Variants in MRRF observed in about 807,000 individuals in gnomAD.
The protein encoded by MRRF is ribosome-recycling factor, mitochondrial.
MRRF carries 18 observed loss-of-function variants against 25.1 expected under a neutral mutation model. That is an observed-to-expected ratio of 0.72 (90% CI 0.50 to 1.06). The LOEUF is 1.06. MRRF is among the 50% of genes least tolerant of loss of function. MRRF has a pLI of 0.00. For missense variants in MRRF, 323 were observed against 319.3 expected (o/e 1.01, Z -0.09); for synonymous variants, 113 against 112.1 (o/e 1.01, Z -0.05).
intron 2 of MRRF, among the ~76,000 whole-genome samples, chr9:122,275,739 G>C (rs1832732977): frequency 6.6e-6 from 1 of 152,026 alleles, no homozygotes; most frequent in African/African-American, 2.4e-5. Flanking sequence ...ATGTCCTCCG[G>C]GTTCATCCAT....
chr9:122,319,949 A>G (rs1052876793), intron 6 of MRRF, among the ~76,000 whole-genome samples: 43 of 143,268 alleles, frequency 3.0e-4, no homozygotes, highest in African/African-American at 1.1e-3. Flanking sequence ...ATGTCGGCTC[A>G]CTGCATCCTC....
rs1041940527 is a variant in MRRF at position 122,286,218 on chromosome 9, G to T, written c.459+931G>T. On this transcript the variant is annotated intron_variant, in intron 4 of 6. Transcript: ENST00000344641. The stretch of plus-strand genomic sequence containing the variant: ...TCTATTTCAGTAGTTGTATTCCAAA[G>T]TCATAGACCAAGGTTGGACCTGTTG... 9.3e-6 allele frequency: 12 copies of T among 1,285,546 alleles called. No individual in the cohort carries two copies. In the Admixed American group the frequency reaches 2.1e-4, roughly 22 times the overall value. 79.6% of individuals were successfully genotyped at this position (1,285,546 alleles called of 1,614,324 possible). A position where few individuals can be genotyped will look rare whatever the true frequency, so the allele number is the denominator to read the frequency against.
Position 122,280,461 on chromosome 9 carries a change from C to G in MRRF, c.203C>G (p.Ser68Cys). Residue 68 changes from serine (S) to cysteine (C), a missense_variant, in exon 3 of 7, where the codon TCC becomes TGC. Ser to Cys is a moderately radical substitution (Grantham distance 112, BLOSUM62 -1). Coordinates refer to ENST00000344641, the MANE Select transcript of MRRF (RefSeq NM_138777.5). ...KKAKAKGKGQ[S>C]QTRVNINAAL... is the part of the protein sequence containing the mutation. ...TTTTTAGCCAAAGGGAAAGGACAGT[C>G]CCAAACCAGAGTGAATATTAATGCT... The G allele has an allele frequency of 6.2e-7, 1 of 1,614,094 alleles. No individual in the cohort carries two copies. The highest frequency in any genetic ancestry group is 8.5e-7 in the Non-Finnish European group (1 of 1,179,980).
At chr9:122,271,646 C>G (rs1228156767) in intron 2 of MRRF, among the ~76,000 whole-genome samples, 2 of 152,230 alleles carry the variant, frequency 1.3e-5, no homozygotes, top group African/African-American at 2.4e-5. Context: ...GCCTTTGATG[C>G]ACTTAGAACA....
At chr9:122,285,735 T>C (rs897979620) in intron 4 of MRRF, 1 of 1,242,342 alleles carries the variant, frequency 8.0e-7, no homozygotes, top group Non-Finnish European at 1.0e-6. Context: ...ATGTGACATC[T>C]TTATTCTGTA....
chr9:122,298,865 G>A (rs1025910832), intron 5 of MRRF, among the ~76,000 whole-genome samples: 1 of 152,182 alleles, frequency 6.6e-6, no homozygotes, highest in African/African-American at 2.4e-5. Context: ...AAAGCATGCT[G>A]TGAAGGTGGG....
intron 1 of MRRF, among the ~76,000 whole-genome samples, chr9:122,268,838 T>A (rs1186007034): frequency 2.6e-5 from 4 of 152,204 alleles, no homozygotes; most frequent in Non-Finnish European, 4.4e-5. Context: ...GAGAAATGAT[T>A]TGCCTTTGTG....
chr9:122,271,896 TG>T (rs1832485791), intron 2 of MRRF, among the ~76,000 whole-genome samples: 1 of 152,222 alleles, frequency 6.6e-6, no homozygotes, highest in Non-Finnish European at 1.5e-5. Flanking sequence ...TATATGCTGC[TG>T]AATATTTTCC....
intron 3 of MRRF, among the ~76,000 whole-genome samples, chr9:122,283,999 G>GTTGT (rs916868087): frequency 6.8e-6 from 1 of 147,566 alleles, no homozygotes; most frequent in African/African-American, 2.6e-5. Flanking sequence ...TGTTGTTGTT[G>GTTGT]TTGTTTGTTT....
rs1410686822 is a variant in MRRF, at chr9:122,327,035, G to A, written c.*4418G>A. 1 of 152,248 alleles carries A rather than the reference G, an allele frequency of 6.6e-6. No homozygotes were observed. The highest frequency in any genetic ancestry group is 1.5e-5 in the Non-Finnish European group (1 of 68,048). 9.4% of individuals were successfully genotyped at this position (152,248 alleles called of 1,614,324 possible). On this transcript the variant is annotated 3_prime_UTR_variant, in exon 7 of 7. Coordinates refer to ENST00000344641, the MANE Select transcript of MRRF (RefSeq NM_138777.5). The stretch of plus-strand genomic sequence containing the variant: ...CGCTGTTCTGGACCTGGACGGTGAT[G>A]TGAGAGAAGCAGAAGTCTTGCTTTC...
chr9:122,282,732 T>C (rs1254461288), intron 3 of MRRF, among the ~76,000 whole-genome samples: 6 of 152,250 alleles, frequency 3.9e-5, no homozygotes, highest in African/African-American at 1.4e-4. Context: ...TCAGTAAATA[T>C]AGGCAATTAT....
rs756835647 is a variant in MRRF, at chr9:122,285,237, T to G, written c.409T>G (p.Ser137Ala). ...KLALNQISQI[S>A]MKSPQLILVN... is the part of the protein sequence containing the mutation. Reference sequence around the variant, plus strand: ...TGCTTTAAACCAGATTAGCCAGATCTCCATGAAGTCGCCACAGCTGATTTT... The same window carrying G: ...TGCTTTAAACCAGATTAGCCAGATCGCCATGAAGTCGCCACAGCTGATTTT... Residue 137 changes from serine (S) to alanine (A), a missense_variant, in exon 4 of 7, where the codon TCC (serine) becomes GCC (alanine). Coordinates refer to ENST00000344641, the MANE Select transcript of MRRF (RefSeq NM_138777.5). The G allele has an allele frequency of 3.8e-5, 61 of 1,613,958 alleles. No individual in the cohort carries two copies. The highest frequency in any genetic ancestry group is 2.0e-4 in the South Asian group (18 of 91,092).
At chr9:122,291,481 G>A (rs1833764916) in intron 4 of MRRF, among the ~76,000 whole-genome samples, 1 of 152,090 alleles carries the variant, frequency 6.6e-6, no homozygotes, top group South Asian at 2.1e-4. Context: ...TCAAACCATT[G>A]AAATCTTTTC....
Position 122,328,096 on chromosome 9 carries a change from AG to A in MRRF, c.*5480del, listed in dbSNP as rs1439902814. 6.6e-6 allele frequency: 1 copy of A among 151,964 alleles called. No individual in the cohort carries two copies. Among genetic ancestry groups the A allele is most frequent in the African/African-American group, 2.4e-5 (1 of 41,350 alleles). The allele number at this position is 151,964 out of a possible 1,614,324, so 9.4% of individuals were successfully genotyped here. A position where few individuals can be genotyped will look rare whatever the true frequency, so the allele number is the denominator to read the frequency against. On this transcript the variant is annotated 3_prime_UTR_variant, in exon 7 of 7. Coordinates refer to ENST00000344641, the MANE Select transcript of MRRF (RefSeq NM_138777.5). ...GCAATCCTCCCACCTCAGCCTCCTG[AG>A]TAGCTGGGATTACAGCCACGTGCAC...
chr9:122,322,558 G>T lies in MRRF; in HGVS notation c.730G>T (p.Asp244Tyr). The T allele has an allele frequency of 6.2e-7, 1 of 1,614,130 alleles. No homozygotes were observed. Among genetic ancestry groups the T allele is most frequent in the Non-Finnish European group, 8.5e-7 (1 of 1,180,044 alleles). The change falls in exon 7 of 7, where the codon GAC (aspartate) becomes TAC (tyrosine). Residue 244 changes from aspartate to tyrosine, a missense_variant. Physicochemically the swap from Asp to Tyr is radical, Grantham distance 160. Coordinates refer to ENST00000344641, the MANE Select transcript of MRRF (RefSeq NM_138777.5). ...IEKQISQMAD[D>Y]TVAELDRHLA... Reference sequence around the variant, plus strand: ...CTTGCAGATCAGCCAAATGGCCGATGACACAGTGGCAGAACTGGACAGGCA... The same window carrying T: ...CTTGCAGATCAGCCAAATGGCCGATTACACAGTGGCAGAACTGGACAGGCA...
chr9:122,310,236 G>A (rs1471683200), intron 5 of MRRF, among the ~76,000 whole-genome samples: 2 of 152,188 alleles, frequency 1.3e-5, no homozygotes, highest in Non-Finnish European at 2.9e-5. Context: ...AAGTGGGGTC[G>A]GATCTGAGTT....
chr9:122,294,629 C>T (rs1588047355), intron 5 of MRRF, among the ~76,000 whole-genome samples: 1 of 152,246 alleles, frequency 6.6e-6, no homozygotes, highest in East Asian at 1.9e-4. Context: ...ATTATAGAGG[C>T]TGTGTTACGT....
chr9:122,317,086 A>ATATATG (rs1835579862), intron 6 of MRRF, among the ~76,000 whole-genome samples: 1 of 150,732 alleles, frequency 6.6e-6, no homozygotes. Context: ...ATATATATAT[A>ATATATG]TAAATCTTTG....
chr9:122,283,942 G>A (rs1833229401), intron 3 of MRRF, among the ~76,000 whole-genome samples: 1 of 151,590 alleles, frequency 6.6e-6, no homozygotes, highest in African/African-American at 2.4e-5. Flanking sequence ...ATTATATCCA[G>A]GATAATAGGA....
Sources: gnomAD v4.1 joint callset for allele counts (sites outside exome capture counted in the v4.1 genomes callset) on GRCh38, gnomAD v4.1.1 for gene constraint, MANE v1.5 for transcripts, NCBI Gene and HGNC (gene_info 2026-07-23, HGNC 2026-07-21) for gene names.